Variants in NCOR2 observed in about 807,000 individuals in gnomAD.
NCOR2 encodes the protein CTG repeat protein 26.
In NCOR2, 81 loss-of-function variants were observed where a neutral mutation model predicts 262.9. The observed-to-expected ratio is 0.31, with a 90% CI of 0.26 to 0.37. The LOEUF (loss-of-function observed/expected upper bound fraction) is 0.37, where lower values mean the gene tolerates loss of function less well. Ranked by LOEUF, NCOR2 falls within the 10% of genes least tolerant of loss-of-function variation. The pLI, the probability that NCOR2 is intolerant of heterozygous loss-of-function variation, is 1.00. For synonymous variants in NCOR2, 1,659 were observed against 1,559.3 expected, an observed-to-expected ratio of 1.06 and a Z score of -1.51; for missense variants, 3,385 against 3,621.4, an observed-to-expected ratio of 0.93 and a Z score of 1.68.
chr12:124,355,306 G>C (rs1264133872), intron 24 of NCOR2, 126 bp downstream of exon 26: 2 of 1,215,398 alleles, frequency 1.6e-6, no homozygotes, highest in Non-Finnish European at 2.3e-6. Context: ...TCAGACCCCA[G>C]ATGCCTGAGT....
Position 124,378,484 on chromosome 12 carries a change from TCCCGG to T in NCOR2, c.2020-105_2020-101del. On this transcript the variant is annotated intron_variant, in intron 17 of 46. Transcript: ENST00000405201. This position sits in a 1 kb window ranked among gnomAD's most constrained non-coding sequence, Gnocchi z 4.2. ...TCGCCGCAGGTGCAAAGGGCAGTGA[TCCCGG>T]CCATGTAGCAATGAGGGTGACCGTC... 8.0e-7 allele frequency: 1 copy of T among 1,254,346 alleles called. No homozygotes were observed. Among genetic ancestry groups the T allele is most frequent in the Non-Finnish European group, 1.1e-6 (1 of 925,094 alleles). The allele number at this position is 1,254,346 out of a possible 1,614,324, so 77.7% of individuals were successfully genotyped here.
At chr12:124,497,647 C>T (rs573802333), upstream of NCOR2, among the ~76,000 whole-genome samples, 32 of 152,358 alleles carry the variant, frequency 2.1e-4, no homozygotes, top group African/African-American at 7.0e-4. The surrounding 1 kb of genome is among the most constrained non-coding windows in gnomAD (Gnocchi z 4.2). Flanking sequence ...CACATGAAGA[C>T]GTCTGTGCAT....
Position 124,395,591 on chromosome 12 carries a change from C to T in NCOR2, c.1876+2528G>A, listed in dbSNP as rs1006050411. The stretch of plus-strand genomic sequence containing the variant: ...AGATGGTGGGACACGGGCTCCTCTC[C>T]GCCGGTGAGTCATCCCCAGCCGTCC... On this transcript the variant is annotated intron_variant, in intron 16 of 46. Transcript: ENST00000405201. Among the ~76,000 whole-genome samples the T allele has an allele frequency of 3.9e-5, 6 of 152,198 alleles. No homozygotes were observed. In the East Asian group the frequency reaches 7.7e-4, roughly 20 times the overall value.
chr12:124,383,872 G>A (rs1175617152), intron 17 of NCOR2, among the ~76,000 whole-genome samples: 1 of 152,226 alleles, frequency 6.6e-6, no homozygotes, highest in Admixed American at 6.5e-5. Context: ...CCGTGCTGGG[G>A]TCTCTGGTCC....
intron 1 of NCOR2, among the ~76,000 whole-genome samples, chr12:124,515,510 T>C (rs1327513685): frequency 6.6e-6 from 1 of 152,030 alleles, no homozygotes; most frequent in East Asian, 1.9e-4. Flanking sequence ...GAAGGCAGCA[T>C]GGATATAGCC....
chr12:124,438,032 G>A, intron 7 of NCOR2, 36 bp from the exon 10 acceptor site: 1 of 1,583,092 alleles, frequency 6.3e-7, no homozygotes, highest in Non-Finnish European at 8.6e-7. Context: ...GGTCAGCCCG[G>A]CCGGGCTCAG....
At position 124,504,320 on chromosome 12, in the gene NCOR2, C is replaced by T. The variant is rs992847960; in HGVS notation, c.-117-8952G>A. Among the ~76,000 whole-genome samples, 2 of 152,194 alleles carry T rather than the reference C, an allele frequency of 1.3e-5. No homozygotes were observed. The highest frequency in any genetic ancestry group is 2.9e-5 in the Non-Finnish European group (2 of 68,032). On this transcript the variant is annotated intron_variant, in intron 1 of 46. Transcript: ENST00000404621. The surrounding 1 kb of genome is among the most constrained non-coding windows in gnomAD (Gnocchi z 4.5). ...CCTCTGGGCAGTTTCCTGGGACTTG[C>T]TTCCTCACCCCAGGGTCAGCTCAGC...
chr12:124,466,227 C>G (rs368495657), exon 5 of NCOR2: 1 of 1,610,192 alleles, frequency 6.2e-7, no homozygotes, highest in Admixed American at 1.7e-5. Context: ...ACTCGATGGG[C>G]GGCGGTGACA....
chr12:124,421,234 C>T (rs1269428035), intron 12 of NCOR2, among the ~76,000 whole-genome samples: 1 of 152,236 alleles, frequency 6.6e-6, no homozygotes, highest in African/African-American at 2.4e-5. Context: ...CTGCTCCAGA[C>T]CCCTCTGGAA....
At chr12:124,333,878 GGGTGTGCA>G in intron 41 of NCOR2, among the ~76,000 whole-genome samples, 1 of 113,538 alleles carries the variant, frequency 8.8e-6, no homozygotes, top group Non-Finnish European at 1.9e-5. Flanking sequence ...GCATGTGTGC[GGGTGTGCA>G]TGTGTGTGTG....
At chr12:124,404,445 G>A (rs543695517) in intron 13 of NCOR2, among the ~76,000 whole-genome samples, 4 of 152,330 alleles carry the variant, frequency 2.6e-5, no homozygotes, top group African/African-American at 7.2e-5. Context: ...CAGCAGCCAC[G>A]GAGCCTCCTT....
intron 13 of NCOR2, among the ~76,000 whole-genome samples, chr12:124,403,293 G>A (rs2136208361): frequency 1.3e-5 from 2 of 152,244 alleles, no homozygotes; most frequent in South Asian, 4.1e-4. Context: ...CACCCCAGGG[G>A]GACAGAACAA....
chr12:124,416,951 C>A (rs1359646880), intron 13 of NCOR2, among the ~76,000 whole-genome samples: 1 of 152,224 alleles, frequency 6.6e-6, no homozygotes, highest in Non-Finnish European at 1.5e-5. Context: ...CATGAAGCTC[C>A]CCATGTCCTG....
chr12:124,400,360 G>T, intron 15 of NCOR2, 141 bp downstream of exon 17: 2 of 1,139,276 alleles, frequency 1.8e-6, no homozygotes, highest in Non-Finnish European at 1.3e-6. Flanking sequence ...AGTAGGTAGC[G>T]CTGGGATTTG....
chr12:124,328,433 A>C (rs1375668313), intron 44 of NCOR2: 1 of 152,706 alleles, frequency 6.5e-6, no homozygotes, highest in African/African-American at 2.4e-5. Context: ...CCCAAGGACA[A>C]AGTGGTCGAA....
intron 13 of NCOR2, among the ~76,000 whole-genome samples, chr12:124,404,125 G>A (rs1312649824): frequency 7.9e-5 from 12 of 152,244 alleles, no homozygotes; most frequent in South Asian, 2.1e-4. Context: ...GGAAGCTGGG[G>A]CAGGGAGGGT....
chr12:124,425,295 A>G (rs2043467360), intron 11 of NCOR2, among the ~76,000 whole-genome samples: 1 of 151,990 alleles, frequency 6.6e-6, no homozygotes, highest in Non-Finnish European at 1.5e-5. Context: ...AATGGCGTGA[A>G]CCCGGGAGGC....
At chr12:124,422,885 T>C (rs996457102) in intron 11 of NCOR2, among the ~76,000 whole-genome samples, 1 of 152,144 alleles carries the variant, frequency 6.6e-6, no homozygotes, top group African/African-American at 2.4e-5. Flanking sequence ...CCCTTTAAAA[T>C]CCACTTTTGT....
intron 16 of NCOR2, 115 bp from the exon 19 acceptor site, chr12:124,386,002 C>T: frequency 7.7e-7 from 1 of 1,293,328 alleles, no homozygotes; most frequent in Non-Finnish European, 1.0e-6. Flanking sequence ...CTGGGGCTCC[C>T]TGCTCAGGCC....
Sources: gnomAD v4.1 joint callset for allele counts (sites outside exome capture counted in the v4.1 genomes callset) on GRCh38, gnomAD v4.1.1 for gene constraint, Gnocchi (gnomAD v3.1) non-coding constraint, MANE v1.5 for transcripts, NCBI Gene and HGNC (gene_info 2026-07-23, HGNC 2026-07-21) for gene names.